PCDHGA11: variants seen among roughly 807,000 people sequenced by gnomAD.
PCDHGA11 encodes protocadherin gamma subfamily A, 11, also known as protocadherin gamma-A11.
A neutral mutation model predicts 60.4 loss-of-function variants in PCDHGA11; 39 were observed. The observed-to-expected ratio is 0.65, with a 90% CI of 0.50 to 0.84. The LOEUF (loss-of-function observed/expected upper bound fraction) is 0.84. PCDHGA11 is among the 40% of genes least tolerant of loss of function. The probability of loss-of-function intolerance (pLI) is 0.00; values close to 1 mark genes in which losing one functional copy is unlikely to be tolerated. For synonymous variants in PCDHGA11, 533 were observed against 510.3 expected, an observed-to-expected ratio of 1.04 and a Z score of -0.60; for missense variants, 1,165 against 1,197.7, an observed-to-expected ratio of 0.97 and a Z score of 0.40.
At chr5:141,479,842 G>A (rs1167563746) in intron 1 of PCDHGA11, among the ~76,000 whole-genome samples, 3 of 152,172 alleles carry the variant, frequency 2.0e-5, no homozygotes, top group African/African-American at 7.2e-5. Context: ...TCCATGCAAG[G>A]TGACTGCAAG....
chr5:141,451,528 G>C (rs1451101169), intron 1 of PCDHGA11, among the ~76,000 whole-genome samples: 8 of 152,210 alleles, frequency 5.3e-5, no homozygotes. Flanking sequence ...AAGTAAAGGA[G>C]AGTGCCAGAG....
Position 141,432,151 on chromosome 5 carries a change from C to T in PCDHGA11, c.2433+8491C>T. 2 of 1,614,122 alleles carry T rather than the reference C, an allele frequency of 1.2e-6. No homozygotes were observed. The highest frequency in any genetic ancestry group is 2.2e-5 in the South Asian group (2 of 91,066). ...CCTATTCCGCTTATATCCCAGAGAA[C>T]AATCCCAGAGGAGTTTCCCTCGTCT... On this transcript the variant is annotated intron_variant, in intron 1 of 3. Transcript: ENST00000398587. The surrounding 1 kb of genome is among the most constrained non-coding windows in gnomAD (Gnocchi z 6.0).
intron 1 of PCDHGA11, among the ~76,000 whole-genome samples, chr5:141,460,317 A>G (rs1045494740): frequency 4.6e-5 from 7 of 152,260 alleles, no homozygotes; most frequent in African/African-American, 1.7e-4. Flanking sequence ...CTCCTTGCCT[A>G]CTGAAAACTT....
At position 141,476,873 on chromosome 5, in the gene PCDHGA11, G is replaced by C; in HGVS notation, c.2434-17934G>C. On this transcript the variant is annotated intron_variant, in intron 1 of 3. Coordinates refer to ENST00000398587, the MANE Select transcript of PCDHGA11 (RefSeq NM_018914.3). This position sits in a 1 kb window ranked among gnomAD's most constrained non-coding sequence, Gnocchi z 7.6. ...CAACCAGTCCTTGTACCGGGCGCGC[G>C]TCCTGGAGGATGCACCCTCCGGCAC... 1 of 1,613,936 alleles carries C rather than the reference G, an allele frequency of 6.2e-7. No homozygotes were observed. Among genetic ancestry groups the C allele is most frequent in the South Asian group, 1.1e-5 (1 of 91,088 alleles).
In PCDHGA11 at chr5:141,476,686, C is replaced by T. The variant is rs138480390; in HGVS notation, c.2434-18121C>T. On this transcript the variant is annotated intron_variant, in intron 1 of 3. Coordinates refer to ENST00000398587, the MANE Select transcript of PCDHGA11 (RefSeq NM_018914.3). The surrounding 1 kb of genome is among the most constrained non-coding windows in gnomAD (Gnocchi z 7.6). ...TTCGCGTGCAGACGCGGGAGGACAGCACCAAGTACGCGGAGCTGGTGTTGG... is the reference window on the plus strand; with the variant it reads ...TTCGCGTGCAGACGCGGGAGGACAGTACCAAGTACGCGGAGCTGGTGTTGG... 6.2e-7 allele frequency: 1 copy of T among 1,614,126 alleles called. No homozygotes were observed. The highest frequency in any genetic ancestry group is 1.3e-5 in the African/African-American group (1 of 74,952).
rs112731052 is a variant in PCDHGA11 at position 141,457,109 on chromosome 5, A to G, written c.2433+33449A>G. ...TATAAGGATACTAATTAAGCAAAAT[A>G]CGACAGCAATGGAAACTCTGTCCAA... is the stretch of plus-strand genomic sequence containing the variant. On this transcript the variant is annotated intron_variant, in intron 1 of 3. Coordinates refer to ENST00000398587, the MANE Select transcript of PCDHGA11 (RefSeq NM_018914.3). 8.3e-3 allele frequency among the ~76,000 whole-genome samples: 1,258 copies of G among 152,360 alleles called. 17 individuals are homozygous for G. Among genetic ancestry groups the G allele is most frequent in the African/African-American group, 0.029 (1,195 of 41,578 alleles).
intron 2 of PCDHGA11, among the ~76,000 whole-genome samples, chr5:141,502,723 G>C (rs771399677): frequency 3.9e-5 from 6 of 152,124 alleles, no homozygotes; most frequent in Non-Finnish European, 8.8e-5. Flanking sequence ...TGATTACAAA[G>C]CGGTGATGTT....
At chr5:141,450,888 G>C (rs1038570371) in intron 1 of PCDHGA11, among the ~76,000 whole-genome samples, 27 of 145,380 alleles carry the variant, frequency 1.9e-4, no homozygotes, top group Non-Finnish European at 3.9e-4. Flanking sequence ...GCAGTGGTGC[G>C]ATATCGGCTC....
In PCDHGA11 at chr5:141,476,933, GA is replaced by G; in HGVS notation, c.2434-17872del. 1 of 1,614,176 alleles carries G rather than the reference GA, an allele frequency of 6.2e-7. No individual in the cohort carries two copies. Reference sequence around the variant, plus strand: ...ACAAGTCCTTGCAACGGATCTGGATGAAGGCCCCAACGGTGAAATTATTTAC... The same window carrying G: ...ACAAGTCCTTGCAACGGATCTGGATGAGGCCCCAACGGTGAAATTATTTAC... On this transcript the variant is annotated intron_variant, in intron 1 of 3. Transcript: ENST00000398587. This position sits in a 1 kb window ranked among gnomAD's most constrained non-coding sequence, Gnocchi z 7.6.
At chr5:141,424,901 C>G (rs2096846997) in intron 1 of PCDHGA11, among the ~76,000 whole-genome samples, 1 of 152,134 alleles carries the variant, frequency 6.6e-6, no homozygotes, top group African/African-American at 2.4e-5. Context: ...TTTTTGATCA[C>G]AGGAATCATT....
chr5:141,499,073 G>T (rs2099789305), intron 2 of PCDHGA11, among the ~76,000 whole-genome samples: 1 of 152,064 alleles, frequency 6.6e-6, no homozygotes, highest in Admixed American at 6.5e-5. Flanking sequence ...CTTACATTCT[G>T]AAGTTCCTGC....
At chr5:141,427,294 AT>A (rs2097012877) in intron 1 of PCDHGA11, 1 of 456,758 alleles carries the variant, frequency 2.2e-6, no homozygotes, top group Non-Finnish European at 4.4e-6. Flanking sequence ...GAAATCCTAG[AT>A]GAGAATGACA....
chr5:141,463,572 C>A (rs1462125489), intron 1 of PCDHGA11, among the ~76,000 whole-genome samples: 2 of 151,572 alleles, frequency 1.3e-5, no homozygotes, highest in African/African-American at 4.9e-5. Context: ...CCTCAGCCTC[C>A]CGAGTAGCTG....
intron 1 of PCDHGA11, chr5:141,427,495 C>T: frequency 1.8e-6 from 1 of 562,648 alleles, no homozygotes; most frequent in South Asian, 1.5e-5. Flanking sequence ...AAGCTTGTAA[C>T]AGATGGGACC....
chr5:141,508,979 G>C (rs1317798009), intron 3 of PCDHGA11, among the ~76,000 whole-genome samples: 1 of 152,110 alleles, frequency 6.6e-6, no homozygotes, highest in Admixed American at 6.5e-5. Context: ...GCTGGGGGTG[G>C]GGGCCAGCTG....
rs2099622509 is a variant in PCDHGA11 at position 141,485,988 on chromosome 5, G to T, written c.2434-8819G>T. On this transcript the variant is annotated intron_variant, in intron 1 of 3. Coordinates refer to ENST00000398587, the MANE Select transcript of PCDHGA11 (RefSeq NM_018914.3). The surrounding 1 kb of genome is among the most constrained non-coding windows in gnomAD (Gnocchi z 5.7). The stretch of plus-strand genomic sequence containing the variant: ...CTCAATGCCTCAGACCCGGACCTGG[G>T]TCCCAGTGGTAACGTCACCTTTTAT... 16 of 1,614,188 alleles carry T rather than the reference G, an allele frequency of 9.9e-6. No homozygotes were observed. The highest frequency in any genetic ancestry group is 1.4e-5 in the Non-Finnish European group (16 of 1,180,038).
intron 1 of PCDHGA11, chr5:141,479,722 T>C (rs2099504690): frequency 6.6e-6 from 1 of 152,240 alleles, no homozygotes; most frequent in African/African-American, 2.4e-5. Context: ...CCAGCCTTAT[T>C]TTTCTTAAGT....
At position 141,477,372 on chromosome 5, in the gene PCDHGA11, CTG is replaced by C; in HGVS notation, c.2434-17432_2434-17431del. On this transcript the variant is annotated intron_variant, in intron 1 of 3. Transcript: ENST00000398587. This position sits in a 1 kb window ranked among gnomAD's most constrained non-coding sequence, Gnocchi z 4.9. ...ACCAGTGCAGACCTGGATCGGGAGA[CTG>C]TGCCAGAATACAACCTCAGCATCAC... The C allele has an allele frequency of 6.2e-7, 1 of 1,614,154 alleles. No homozygotes were observed. The highest frequency in any genetic ancestry group is 8.5e-7 in the Non-Finnish European group (1 of 1,180,030).
intron 1 of PCDHGA11, among the ~76,000 whole-genome samples, chr5:141,465,545 C>T (rs2099105349): frequency 6.6e-6 from 1 of 152,146 alleles, no homozygotes; most frequent in South Asian, 2.1e-4. Context: ...GGCATTTTTT[C>T]TGCTGAAGCT....
Sources: gnomAD v4.1 joint callset for allele counts (sites outside exome capture counted in the v4.1 genomes callset) on GRCh38, gnomAD v4.1.1 for gene constraint, Gnocchi (gnomAD v3.1) non-coding constraint, MANE v1.5 for transcripts, NCBI Gene and HGNC (gene_info 2026-07-23, HGNC 2026-07-21) for gene names.